Variants in GAB3 observed in about 807,000 individuals in gnomAD.
The protein encoded by GAB3 is GRB2 associated binding protein 3, also known as GRB2-associated-binding protein 3.
A neutral mutation model predicts 40.4 loss-of-function variants in GAB3; 12 were observed. The ratio of observed to expected loss-of-function variants is 0.30; its 90% CI spans 0.19 to 0.48. The LOEUF (loss-of-function observed/expected upper bound fraction) is 0.48, where lower values mean the gene tolerates loss of function less well. Ranked by LOEUF, GAB3 falls within the 20% of genes least tolerant of loss-of-function variation. The pLI is 0.99. For synonymous variants in GAB3, 154 were observed against 176.7 expected (o/e 0.87, Z 1.02); for missense variants, 381 against 461.9 (o/e 0.82, Z 1.61).
At chrX:154,732,135 G>A (rs1264959836) in intron 1 of GAB3, among the ~76,000 whole-genome samples, 1 of 111,959 alleles carries the variant, frequency 8.9e-6, no homozygotes, top group Admixed American at 9.5e-5. Flanking sequence ...GAGTCAAAGA[G>A]GAACCTCATT....
At chrX:154,731,772 C>T (rs1210289327) in intron 1 of GAB3, among the ~76,000 whole-genome samples, 2 of 111,746 alleles carry the variant, frequency 1.8e-5, no homozygotes, top group African/African-American at 6.5e-5. Flanking sequence ...TGAAGTAACA[C>T]AGATCCCTCA....
chrX:154,717,042 A>C (rs2071056456), intron 1 of GAB3, among the ~76,000 whole-genome samples: 1 of 112,054 alleles, frequency 8.9e-6, no homozygotes, highest in South Asian at 3.7e-4. Flanking sequence ...TCTCCATCTT[A>C]TGTCTGATAA....
At chrX:154,724,954 CTT>C (rs781909340) in intron 1 of GAB3, among the ~76,000 whole-genome samples, 32 of 111,163 alleles carry the variant, frequency 2.9e-4, no homozygotes, top group Admixed American at 1.6e-3. Flanking sequence ...CGAATATAAA[CTT>C]ATATGGAAAT....
intron 4 of GAB3, among the ~76,000 whole-genome samples, chrX:154,706,674 A>G (rs1257207373): frequency 3.6e-5 from 4 of 111,037 alleles, no homozygotes; most frequent in Middle Eastern, 4.6e-3. Flanking sequence ...GTACGTTGGG[A>G]AGCTGAGGTG....
At chrX:154,751,198 G>A (rs2071611428), upstream of GAB3, 1 of 302,938 alleles carries the variant, frequency 3.3e-6, no homozygotes, top group Non-Finnish European at 4.3e-6. Context: ...AACCGACGCC[G>A]CCCGCAACCC....
chrX:154,680,456 T>C (rs1389508150), intron 8 of GAB3, among the ~76,000 whole-genome samples: 2 of 112,241 alleles, frequency 1.8e-5, no homozygotes, highest in Non-Finnish European at 3.8e-5. Context: ...AATGAAACCA[T>C]ACCATTATTC....
At chrX:154,727,997 A>C (rs2071237423) in intron 1 of GAB3, among the ~76,000 whole-genome samples, 1 of 111,870 alleles carries the variant, frequency 8.9e-6, no homozygotes, top group East Asian at 2.8e-4. Flanking sequence ...AAGACACAGA[A>C]ATGAACTGAG....
chrX:154,685,473 G>A (rs987472572), intron 8 of GAB3, among the ~76,000 whole-genome samples: 3 of 111,266 alleles, frequency 2.7e-5, no homozygotes, highest in Admixed American at 9.6e-5. Context: ...AATAAATGTA[G>A]TTTCACCTCC....
Position 154,709,117 on chromosome X carries a change from T to TTA in GAB3, c.1069+3110_1069+3111dup, listed in dbSNP as rs1436754377. 1.9e-4 allele frequency among the ~76,000 whole-genome samples: 19 copies of TTA among 97,727 alleles called. No individual in the cohort carries two copies. In the East Asian group the frequency reaches 5.7e-3, roughly 29 times the overall value. The allele number at this position is 97,727 out of a possible 115,157, so 84.9% of individuals were successfully genotyped here. ...TAGAGCTCTCACGAGATCTGGTTGT[T>TTA]TAAAAGTGTGTAGCACCTCCCCCTT... On this transcript the variant is annotated intron_variant, in intron 4 of 9. Coordinates refer to ENST00000424127, the MANE Select transcript of GAB3 (RefSeq NM_001081573.3).
At chrX:154,680,628 C>T (rs1236605927) in intron 8 of GAB3, among the ~76,000 whole-genome samples, 1 of 111,759 alleles carries the variant, frequency 8.9e-6, no homozygotes, top group Admixed American at 9.5e-5. Context: ...TTGCACAATA[C>T]AAACAGTTAT....
chrX:154,690,625 C>T (rs1352188908), intron 8 of GAB3, among the ~76,000 whole-genome samples: 3 of 112,220 alleles, frequency 2.7e-5, no homozygotes, highest in Admixed American at 9.4e-5. Flanking sequence ...ACAGACACTT[C>T]GCAAAAGAAG....
intron 9 of GAB3, chrX:154,679,257 G>A (rs1557246254): frequency 2.9e-6 from 1 of 342,032 alleles, no homozygotes; most frequent in Middle Eastern, 4.4e-4. Flanking sequence ...TCCTCTGCCA[G>A]GAGGCCAGCA....
chrX:154,722,381 G>C (rs2071147431), intron 1 of GAB3, among the ~76,000 whole-genome samples: 2 of 111,892 alleles, frequency 1.8e-5, no homozygotes, highest in Admixed American at 9.5e-5. Flanking sequence ...TGTACAGCAT[G>C]AGGACTGCAG....
At chrX:154,682,012 C>T (rs1603421997) in intron 8 of GAB3, among the ~76,000 whole-genome samples, 1 of 112,229 alleles carries the variant, frequency 8.9e-6, no homozygotes, top group Non-Finnish European at 1.9e-5. Context: ...TACTTTTCCA[C>T]TTATTTCATT....
At chrX:154,729,804 TACTC>T (rs1257408728) in intron 1 of GAB3, among the ~76,000 whole-genome samples, 2 of 111,975 alleles carry the variant, frequency 1.8e-5, no homozygotes, top group African/African-American at 6.5e-5. Context: ...AAGAAACTGG[TACTC>T]AGACAGATGA....
At chrX:154,745,135 C>T (rs1180811650) in intron 1 of GAB3, among the ~76,000 whole-genome samples, 2 of 111,028 alleles carry the variant, frequency 1.8e-5, no homozygotes, top group African/African-American at 6.6e-5. Context: ...AGTTCAAGAC[C>T]AGCCTGGCCA....
chrX:154,694,496 C>T (rs936956751), intron 8 of GAB3, among the ~76,000 whole-genome samples: 3 of 110,378 alleles, frequency 2.7e-5, no homozygotes, highest in Non-Finnish European at 3.8e-5. Context: ...CTGCCATTCT[C>T]CTGCCTCAGC....
chrX:154,751,013 C>A lies in GAB3; in HGVS notation c.13G>T (p.Asp5Tyr). The A allele has an allele frequency of 1.2e-6, 1 of 818,843 alleles. No individual in the cohort carries two copies. Among genetic ancestry groups the A allele is most frequent in the Non-Finnish European group, 1.5e-6 (1 of 674,336 alleles). 67.5% of individuals were successfully genotyped at this position (818,843 alleles called of 1,213,427 possible). A position where few individuals can be genotyped will look rare whatever the true frequency, so the allele number is the denominator to read the frequency against. The change falls in exon 1 of 10, where the codon GAC (aspartate) becomes TAC (tyrosine). Residue 5 changes from aspartate (D) to tyrosine (Y), a missense_variant. By Grantham distance (160) the Asp-to-Tyr change is radical. This residue lies in a region of GAB3 where 364 missense variants were observed against 421.0 expected (regional missense o/e 0.86). Transcript: ENST00000424127. MSAG[D>Y]AVCTGWLVKS... ...ACGAGCCAGCCGGTGCACACTGCGT[C>A]GCCCGCACTCATCGTGGCCGCCGCC...
At chrX:154,736,609 T>G (rs375693552) in intron 1 of GAB3, among the ~76,000 whole-genome samples, 22 of 112,506 alleles carry the variant, frequency 2.0e-4, no homozygotes, top group African/African-American at 5.8e-4. Flanking sequence ...CGTATTTTGG[T>G]GCTAAGATCT....
Sources: allele counts gnomAD v4.1 joint callset (sites outside exome capture counted in the v4.1 genomes callset), GRCh38; gene constraint gnomAD v4.1.1; regional missense constraint gnomAD v4.1.1; transcripts MANE v1.5; gene names NCBI Gene and HGNC (gene_info 2026-07-23, HGNC 2026-07-21).